The following USP25 variants were observed in gnomAD, a reference collection of about 807,000 sequenced individuals.
USP25 encodes the protein ubiquitin carboxyl-terminal hydrolase 25.
USP25 carries 85 observed loss-of-function variants against 158.5 expected under a neutral mutation model. The observed-to-expected ratio is 0.54, with a 90% CI of 0.45 to 0.64. USP25 has a LOEUF of 0.64. Among genes scored for constraint, USP25 ranks in the 30% least tolerant of loss-of-function variants. The pLI is 0.00. For missense variants in USP25, 1,242 were observed against 1,327.3 expected, an observed-to-expected ratio of 0.94 and a Z score of 1.00; for synonymous variants, 464 against 460.4, an observed-to-expected ratio of 1.01 and a Z score of -0.10.
chr21:15,808,669 G>C (rs1391549097), intron 7 of USP25, 140 bp from the exon 8 acceptor site: 5 of 543,364 alleles, frequency 9.2e-6, no homozygotes, highest in Admixed American at 3.7e-5. Flanking sequence ...CTTGCATTTC[G>C]TGTGAAACAT....
In USP25 at chr21:15,833,451, A is replaced by G. The variant is rs762824577; in HGVS notation, c.2097A>G (p.Glu699=). 3.7e-6 allele frequency: 6 copies of G among 1,614,144 alleles called. No homozygotes were observed. In the Admixed American group the frequency reaches 1.0e-4, roughly 27 times the overall value. The change falls in exon 17 of 26, where the codon GAA becomes GAG. Residue 699 remains glutamate (E), a synonymous_variant. Coordinates refer to ENST00000400183, the MANE Select transcript of USP25 (RefSeq NM_001283041.3). ...VEEDNQRFEK[E]LEEWDAQLAQ... is the part of the protein sequence containing the mutation. ...AAGACAACCAACGATTTGAAAAAGA[A>G]CTAGAAGAATGGGATGCACAACTTG...
In USP25 at chr21:15,831,389, T is replaced by C; in HGVS notation, c.1765-12T>C. ...ATAATTGCAGTTTAACTCTTCTTTT[T>C]TTCACATTTAGGTTCCTTATCGATT... On this transcript the variant is annotated splice_polypyrimidine_tract_variant and intron_variant, in intron 15 of 25. Coordinates refer to ENST00000400183, the MANE Select transcript of USP25 (RefSeq NM_001283041.3). 6.2e-7 allele frequency: 1 copy of C among 1,613,470 alleles called. No individual in the cohort carries two copies. Among genetic ancestry groups the C allele is most frequent in the Non-Finnish European group, 8.5e-7 (1 of 1,179,400 alleles).
At chr21:15,781,253 AG>A (rs2034947455) in intron 4 of USP25, among the ~76,000 whole-genome samples, 1 of 152,222 alleles carries the variant, frequency 6.6e-6, no homozygotes. Context: ...ATGTCTGACA[AG>A]TAGTGGTAGC....
In USP25 at chr21:15,818,784, G is replaced by A; in HGVS notation, c.1018G>A (p.Ala340Thr). Residue 340 changes from alanine to threonine, a missense_variant, in exon 10 of 26, where the codon GCA (alanine) becomes ACA (threonine). Transcript: ENST00000400183. ...AGATCTGCATGAGTGCCTAGAAGCTGCAATGATTGAAGGAGAAATTGAGTC... is the reference window on the plus strand; with the variant it reads ...AGATCTGCATGAGTGCCTAGAAGCTACAATGATTGAAGGAGAAATTGAGTC... Reference protein sequence around the residue: ...FKDLHECLEAAMIEGEIESLH... With the variant: ...FKDLHECLEATMIEGEIESLH... 1 of 1,613,948 alleles carries A rather than the reference G, an allele frequency of 6.2e-7. No individual in the cohort carries two copies. Among genetic ancestry groups the A allele is most frequent in the Non-Finnish European group, 8.5e-7 (1 of 1,179,850 alleles).
At chr21:15,854,408 T>C (rs1287681588) in intron 20 of USP25, among the ~76,000 whole-genome samples, 1 of 152,108 alleles carries the variant, frequency 6.6e-6, no homozygotes, top group Non-Finnish European at 1.5e-5. Flanking sequence ...CCTCCCAAAG[T>C]GCTGGGATTA....
At chr21:15,750,214 G>GGTT (rs2032889003) in intron 1 of USP25, among the ~76,000 whole-genome samples, 1 of 65,634 alleles carries the variant, frequency 1.5e-5, no homozygotes, top group Non-Finnish European at 3.0e-5. Flanking sequence ...GTGTGTGTAT[G>GGTT]TTTTTTTTTT....
At chr21:15,842,688 A>T (rs1036810025) in intron 18 of USP25, 148 bp downstream of exon 18, 13 of 898,848 alleles carry the variant, frequency 1.4e-5, no homozygotes, top group Non-Finnish European at 2.1e-5. Flanking sequence ...TGGGCAAGTC[A>T]TCTCATGCCC....
chr21:15,823,240 C>T (rs1194304555), intron 10 of USP25, among the ~76,000 whole-genome samples: 2 of 151,824 alleles, frequency 1.3e-5, no homozygotes, highest in Admixed American at 1.3e-4. Flanking sequence ...ATCTTTCTTT[C>T]TCTTTAAATA....
chr21:15,735,173 T>G (rs2031365506), intron 1 of USP25, among the ~76,000 whole-genome samples: 1 of 152,202 alleles, frequency 6.6e-6, no homozygotes, highest in Admixed American at 6.5e-5. Context: ...TTTACTATTT[T>G]AAATATGTTT....
At chr21:15,839,597 A>G (rs2038230302) in intron 17 of USP25, among the ~76,000 whole-genome samples, 1 of 152,174 alleles carries the variant, frequency 6.6e-6, no homozygotes, top group South Asian at 2.1e-4. Flanking sequence ...GAGTAATGCA[A>G]AGAGTTTTAA....
chr21:15,799,038 A>G lies in USP25; in HGVS notation c.556-719A>G, dbSNP rs149737927. ...CAAGTGTGTAAAATATCTACAATGA[A>G]AATTTTGCAAGAAAATACTCTGATG... is the stretch of plus-strand genomic sequence containing the variant. On this transcript the variant is annotated intron_variant, in intron 5 of 25. Coordinates refer to ENST00000400183, the MANE Select transcript of USP25 (RefSeq NM_001283041.3). 1.4e-3 allele frequency among the ~76,000 whole-genome samples: 211 copies of G among 151,410 alleles called. 2 individuals are homozygous for G. Among genetic ancestry groups the G allele is most frequent in the African/African-American group, 4.7e-3 (195 of 41,494 alleles).
intron 9 of USP25, among the ~76,000 whole-genome samples, chr21:15,815,610 A>C (rs2036899269): frequency 6.6e-6 from 1 of 152,098 alleles, no homozygotes; most frequent in Non-Finnish European, 1.5e-5. Context: ...AGAGCCTTAA[A>C]ATTTGACTGC....
intron 1 of USP25, among the ~76,000 whole-genome samples, chr21:15,738,836 T>TGG (rs2031767100): frequency 1.3e-5 from 2 of 152,342 alleles, no homozygotes; most frequent in Admixed American, 1.3e-4. Flanking sequence ...TAATCAGTTA[T>TGG]GTTATCTATA....
chr21:15,859,128 A>G (rs2039295512), intron 20 of USP25, among the ~76,000 whole-genome samples: 1 of 148,634 alleles, frequency 6.7e-6, no homozygotes, highest in African/African-American at 2.4e-5. Flanking sequence ...TACAAATTAT[A>G]TATATATAAT....
chr21:15,806,227 C>T (rs981527112), intron 7 of USP25, among the ~76,000 whole-genome samples: 1 of 152,130 alleles, frequency 6.6e-6, no homozygotes, highest in Non-Finnish European at 1.5e-5. Flanking sequence ...AATAATTTTA[C>T]AGTTGATTCC....
rs1186318651 is a variant in USP25 at position 15,786,866 on chromosome 21, GC to G, written c.393-4633del. Among the ~76,000 whole-genome samples the G allele has an allele frequency of 2.6e-5, 4 of 152,058 alleles. No homozygotes were observed. In the East Asian group the frequency reaches 7.7e-4, roughly 29 times the overall value. On this transcript the variant is annotated intron_variant, in intron 4 of 25. Coordinates refer to ENST00000400183, the MANE Select transcript of USP25 (RefSeq NM_001283041.3). Reference sequence around the variant, plus strand: ...GATGATATGATCTTAAATATAGAAAGCCCTAAAGAGTTCACCAAAAAACTGC... The same window carrying G: ...GATGATATGATCTTAAATATAGAAAGCCTAAAGAGTTCACCAAAAAACTGC...
Position 15,875,699 on chromosome 21 carries a change from A to C in USP25, c.3009+1173A>C, listed in dbSNP as rs1297763671. Among the ~76,000 whole-genome samples, 1 of 152,242 alleles carries C rather than the reference A, an allele frequency of 6.6e-6. No homozygotes were observed. The highest frequency in any genetic ancestry group is 1.5e-5 in the Non-Finnish European group (1 of 68,036). On this transcript the variant is annotated intron_variant, in intron 24 of 25. Coordinates refer to ENST00000400183, the MANE Select transcript of USP25 (RefSeq NM_001283041.3). The surrounding 1 kb of genome is among the most constrained non-coding windows in gnomAD (Gnocchi z 4.7). ...AAGGGAGAATATTCCAGTACACAAC[A>C]GAAAATCAAGATAAATTCACTGTGG...
chr21:15,796,788 CTAG>C (rs1022016121), intron 5 of USP25, among the ~76,000 whole-genome samples: 1 of 151,272 alleles, frequency 6.6e-6, no homozygotes, highest in Admixed American at 6.6e-5. Context: ...TACACAATGT[CTAG>C]TACTCAGGTC....
chr21:15,823,022 G>A (rs2823500), intron 10 of USP25, among the ~76,000 whole-genome samples: 30,750 of 151,840 alleles, frequency 0.2, 4,710 homozygotes, highest in African/African-American at 0.43. Context: ...CTCAGATTCA[G>A]TTTGCCAGAT....
Sources: allele counts gnomAD v4.1 joint callset (sites outside exome capture counted in the v4.1 genomes callset), GRCh38; gene constraint gnomAD v4.1.1; non-coding constraint Gnocchi (gnomAD v3.1); transcripts MANE v1.5; gene names NCBI Gene and HGNC (gene_info 2026-07-23, HGNC 2026-07-21).